The following MAMDC2 variants were observed in gnomAD, a reference collection of about 807,000 sequenced individuals.
MAMDC2 encodes the protein MAM domain-containing protein 2.
Under a neutral mutation model 89.8 loss-of-function variants are expected in MAMDC2, and 57 were observed. The ratio of observed to expected loss-of-function variants is 0.63; its 90% CI spans 0.51 to 0.79. The LOEUF is 0.79. Ranked by LOEUF, MAMDC2 falls within the 30% of genes least tolerant of loss-of-function variation. The pLI, the probability that MAMDC2 is intolerant of heterozygous loss-of-function variation, is 0.00. For synonymous variants in MAMDC2, 313 were observed against 293.4 expected, an observed-to-expected ratio of 1.07 and a Z score of -0.68; for missense variants, 800 against 820.6, an observed-to-expected ratio of 0.97 and a Z score of 0.31.
rs150066647 is a variant in MAMDC2 at position 70,208,064 on chromosome 9, G to A, written c.1652-10273G>A. ...GTAGTATAGTTTGCAGTCCGGTAGC[G>A]TAATGCTTCCAGCTTTGTTCTTTTG... On this transcript the variant is annotated intron_variant, in intron 11 of 13. Coordinates refer to ENST00000377182, the MANE Select transcript of MAMDC2 (RefSeq NM_153267.5). 3.3e-5 allele frequency among the ~76,000 whole-genome samples: 5 copies of A among 152,272 alleles called. No homozygotes were observed. The East Asian group carries it at 5.8e-4, about 18-fold the overall frequency.
intron 2 of MAMDC2, among the ~76,000 whole-genome samples, chr9:70,060,290 A>C (rs1421556400): frequency 6.6e-6 from 1 of 152,124 alleles, no homozygotes; most frequent in African/African-American, 2.4e-5. Context: ...GGATGAATGA[A>C]TCTTAGTCCC....
intron 11 of MAMDC2, among the ~76,000 whole-genome samples, chr9:70,188,184 G>C (rs1268205687): frequency 6.6e-6 from 1 of 152,118 alleles, no homozygotes; most frequent in East Asian, 1.9e-4. Context: ...TCTTTCAGTT[G>C]CAACTTATTT....
intron 2 of MAMDC2, among the ~76,000 whole-genome samples, chr9:70,065,266 C>A (rs1827238891): frequency 6.6e-6 from 1 of 152,150 alleles, no homozygotes; most frequent in African/African-American, 2.4e-5. Context: ...CATTCAACTT[C>A]TCCATATTGA....
At chr9:70,219,040 GT>G (rs1587582528) in intron 12 of MAMDC2, among the ~76,000 whole-genome samples, 1 of 151,978 alleles carries the variant, frequency 6.6e-6, no homozygotes, top group Non-Finnish European at 1.5e-5. Context: ...AGTAAGTTTT[GT>G]TTTTTTAATG....
At chr9:70,133,456 T>C (rs920070141) in intron 7 of MAMDC2, among the ~76,000 whole-genome samples, 1 of 152,214 alleles carries the variant, frequency 6.6e-6, no homozygotes, top group African/African-American at 2.4e-5. Context: ...AAGCACAGAC[T>C]CCTTCTGTGC....
At chr9:70,118,232 C>A (rs1320217143) in intron 5 of MAMDC2, among the ~76,000 whole-genome samples, 2 of 151,648 alleles carry the variant, frequency 1.3e-5, no homozygotes, top group Non-Finnish European at 2.9e-5. Context: ...CCTGCTATTT[C>A]ACTCCAAGTT....
At chr9:70,115,963 C>G (rs2975892) in intron 5 of MAMDC2, among the ~76,000 whole-genome samples, 1 of 152,126 alleles carries the variant, frequency 6.6e-6, no homozygotes, top group Admixed American at 6.5e-5. Flanking sequence ...GCTAGTTTTG[C>G]GATTGTTTTT....
At chr9:70,134,640 T>TTCAC (rs1423526961) in intron 7 of MAMDC2, among the ~76,000 whole-genome samples, 2 of 152,124 alleles carry the variant, frequency 1.3e-5, no homozygotes, top group African/African-American at 4.8e-5. Flanking sequence ...ATATTGGCCA[T>TTCAC]TCACTGACAA....
intron 2 of MAMDC2, among the ~76,000 whole-genome samples, chr9:70,077,325 G>T (rs1827554072): frequency 6.6e-6 from 1 of 152,174 alleles, no homozygotes; most frequent in Non-Finnish European, 1.5e-5. Flanking sequence ...CTTGGTGGAT[G>T]ATTCTCATCA....
Position 70,143,771 on chromosome 9 carries a change from T to A in MAMDC2, c.1356T>A (p.Gly452=). 1 of 1,613,970 alleles carries A rather than the reference T, an allele frequency of 6.2e-7. No individual in the cohort carries two copies. Among genetic ancestry groups the A allele is most frequent in the Non-Finnish European group, 8.5e-7 (1 of 1,179,976 alleles). The change falls in exon 9 of 14, where the codon GGT becomes GGA. Residue 452 remains glycine, a synonymous_variant. Transcript: ENST00000377182. ...GGTCTGTGTTGGAGTCCCCAAGGGG[T>A]GTTTGGATGCAAGCTGAAATCACCT... ...KIWSVLESPR[G]VWMQAEITFK... is the part of the protein sequence containing the mutation.
chr9:70,047,626 A>G (rs1283905344), intron 2 of MAMDC2, among the ~76,000 whole-genome samples: 1 of 152,154 alleles, frequency 6.6e-6, no homozygotes, highest in East Asian at 1.9e-4. Flanking sequence ...GGTTGGTTCC[A>G]TGTCTTTGCT....
At chr9:70,109,576 G>T (rs1828443391) in intron 3 of MAMDC2, 144 bp from the exon 4 acceptor site, 1 of 655,036 alleles carries the variant, frequency 1.5e-6, no homozygotes, top group South Asian at 1.9e-5. Context: ...TAGTGAAATT[G>T]GTATCCAATA....
At chr9:70,081,256 A>G (rs1044762235) in intron 2 of MAMDC2, among the ~76,000 whole-genome samples, 2 of 152,004 alleles carry the variant, frequency 1.3e-5, no homozygotes, top group Admixed American at 6.6e-5. Flanking sequence ...GTGATAGATG[A>G]TAAGTCAGAT....
intron 7 of MAMDC2, among the ~76,000 whole-genome samples, chr9:70,136,256 C>G (rs536857576): frequency 6.6e-6 from 1 of 152,282 alleles, no homozygotes; most frequent in Non-Finnish European, 1.5e-5. Flanking sequence ...ATAGTTTTGC[C>G]TTTTCAAGAA....
At chr9:70,209,236 T>C (rs2033298698) in intron 11 of MAMDC2, among the ~76,000 whole-genome samples, 1 of 152,222 alleles carries the variant, frequency 6.6e-6, no homozygotes, top group Non-Finnish European at 1.5e-5. Flanking sequence ...TCTGGTAGAA[T>C]TCGGCTGTGA....
chr9:70,071,674 T>G (rs1054307015), intron 2 of MAMDC2: 1 of 152,232 alleles, frequency 6.6e-6, no homozygotes, highest in African/African-American at 2.4e-5. Context: ...TTTTTACTTC[T>G]GCAGTGGTTG....
At chr9:70,082,966 A>T (rs1314268089) in intron 2 of MAMDC2, 3 of 144,280 alleles carry the variant, frequency 2.1e-5, no homozygotes, top group African/African-American at 8.4e-5. Context: ...AATGTTGAAA[A>T]TGTAAAAAAA....
rs2033153330 is a variant in MAMDC2, at chr9:70,203,612, G to A, written c.1652-14725G>A. On this transcript the variant is annotated intron_variant, in intron 11 of 13. Coordinates refer to ENST00000377182, the MANE Select transcript of MAMDC2 (RefSeq NM_153267.5). ...ATCTGAACGTTGGCCTGCCTTGCTA[G>A]ATTGGGGAAGTTCTCCTGGATAATA... Among the ~76,000 whole-genome samples the A allele has an allele frequency of 7.5e-5, 5 of 66,704 alleles. No individual in the cohort carries two copies. In the South Asian group the frequency reaches 2.2e-3, roughly 29 times the overall value. The allele number at this position is 66,704 out of a possible 152,430, so 43.8% of individuals were successfully genotyped here.
At chr9:70,085,166 A>T (rs2118151636) in intron 2 of MAMDC2, among the ~76,000 whole-genome samples, 1 of 152,186 alleles carries the variant, frequency 6.6e-6, no homozygotes, top group East Asian at 1.9e-4. Flanking sequence ...ATTAGGTGCG[A>T]TAAGGCATTT....
Sources: allele counts gnomAD v4.1 joint callset (sites outside exome capture counted in the v4.1 genomes callset), GRCh38; gene constraint gnomAD v4.1.1; transcripts MANE v1.5; gene names NCBI Gene and HGNC (gene_info 2026-07-23, HGNC 2026-07-21).